ATG7: variants seen among roughly 807,000 people sequenced by gnomAD.
ATG7 encodes autophagy related 7.
ATG7 carries 70 observed loss-of-function variants against 82.4 expected under a neutral mutation model. That is an observed-to-expected ratio of 0.85 (90% CI 0.70 to 1.04). ATG7 has a LOEUF of 1.04. Ranked by LOEUF, ATG7 falls within the 50% of genes least tolerant of loss-of-function variation. ATG7 has a pLI of 0.00. For missense variants in ATG7, 792 were observed against 864.3 expected (o/e 0.92, Z 1.05); for synonymous variants, 287 against 313.0 (o/e 0.92, Z 0.88).
At chr3:11,489,395 G>A (rs986816682) in intron 20 of ATG7, among the ~76,000 whole-genome samples, 7 of 151,602 alleles carry the variant, frequency 4.6e-5, no homozygotes, top group African/African-American at 1.5e-4. Context: ...TCTTGCTAGT[G>A]GTCTATCAAT....
chr3:11,566,187 C>T, the ATG7 span, among the ~76,000 whole-genome samples: 2 of 152,156 alleles, frequency 1.3e-5, no homozygotes. Context: ...TACGCATGCA[C>T]ACAGAATGTT....
At chr3:11,380,267 G>C (rs1259306339) in intron 19 of ATG7, among the ~76,000 whole-genome samples, 3 of 152,192 alleles carry the variant, frequency 2.0e-5, no homozygotes, top group South Asian at 4.1e-4. Context: ...GGGAGACTGA[G>C]TTAAAATATT....
intron 20 of ATG7, among the ~76,000 whole-genome samples, chr3:11,520,685 A>G (rs2092418204): frequency 1.3e-5 from 2 of 152,230 alleles, no homozygotes; most frequent in African/African-American, 4.8e-5. Flanking sequence ...CACAGCAGCC[A>G]TTATGGCCAC....
chr3:11,378,258 C>G (rs1389441016), intron 18 of ATG7, among the ~76,000 whole-genome samples: 1 of 149,984 alleles, frequency 6.7e-6, no homozygotes, highest in African/African-American at 2.5e-5. Flanking sequence ...CTCAGGTGAT[C>G]TGCCCGCCTC....
intron 20 of ATG7, among the ~76,000 whole-genome samples, chr3:11,545,200 A>C (rs2071173164): frequency 6.6e-6 from 1 of 152,106 alleles, no homozygotes; most frequent in South Asian, 2.1e-4. Context: ...CTGGGGGCCT[A>C]GGGCCCTGAA....
At chr3:11,467,491 C>G (rs6781726) in intron 20 of ATG7, among the ~76,000 whole-genome samples, 1 of 151,916 alleles carries the variant, frequency 6.6e-6, no homozygotes, top group African/African-American at 2.4e-5. Flanking sequence ...ATTCTTCTGC[C>G]TCAGCCTCCC....
intron 20 of ATG7, among the ~76,000 whole-genome samples, chr3:11,532,376 T>C (rs1039377016): frequency 6.6e-6 from 1 of 151,976 alleles, no homozygotes; most frequent in Non-Finnish European, 1.5e-5. Flanking sequence ...GAGCTGAGTC[T>C]GGAAAGAGGA....
chr3:11,540,560 G>T (rs1484101136), intron 20 of ATG7, among the ~76,000 whole-genome samples: 1 of 151,942 alleles, frequency 6.6e-6, no homozygotes, highest in African/African-American at 2.4e-5. Context: ...AGGATCCCTT[G>T]AGACCAAGAG....
chr3:11,531,250 G>A (rs1165766510), intron 20 of ATG7, among the ~76,000 whole-genome samples: 1 of 152,230 alleles, frequency 6.6e-6, no homozygotes, highest in African/African-American at 2.4e-5. Context: ...AGCCAAGGCA[G>A]AGTCCAGAGG....
downstream of ATG7, among the ~76,000 whole-genome samples, chr3:11,560,281 C>G (rs2072866104): frequency 6.6e-6 from 1 of 152,222 alleles, no homozygotes; most frequent in Non-Finnish European, 1.5e-5. Flanking sequence ...GGTGTGGAAC[C>G]TGGGACAGAA....
the ATG7 span, among the ~76,000 whole-genome samples, chr3:11,566,934 G>A: frequency 1.6e-4 from 24 of 152,186 alleles, no homozygotes; most frequent in African/African-American, 5.6e-4. Context: ...AAGAAAGGCA[G>A]GTATCGTGGA....
chr3:11,449,697 G>A (rs1018147430), intron 20 of ATG7, among the ~76,000 whole-genome samples: 2 of 152,118 alleles, frequency 1.3e-5, no homozygotes, highest in African/African-American at 2.4e-5. Context: ...TTCTAATCCC[G>A]TTGTCCCAGT....
chr3:11,340,627 T>C lies in ATG7; in HGVS notation c.890-18T>C. On this transcript the variant is annotated intron_variant, in intron 11 of 20. Transcript: ENST00000693202. ...TTCTTCCCTCCTTCATTAAACTTTG[T>C]GTTTTATTTGCCTTAAGATTGTCCT... The C allele has an allele frequency of 7.5e-6, 12 of 1,603,182 alleles. No homozygotes were observed. The highest frequency in any genetic ancestry group is 9.4e-6 in the Non-Finnish European group (11 of 1,170,972).
chr3:11,425,523 TTC>T (rs962794758), intron 19 of ATG7, among the ~76,000 whole-genome samples: 6 of 152,254 alleles, frequency 3.9e-5, no homozygotes, highest in Admixed American at 3.9e-4. Flanking sequence ...CCCAGAGAAT[TTC>T]TGAGGCATTC....
rs1024172400 is a variant in ATG7, at chr3:11,358,682, C to T, written c.1479+70C>T. The T allele has an allele frequency of 8.7e-6, 13 of 1,487,180 alleles. No individual in the cohort carries two copies. In the South Asian group the frequency reaches 1.3e-4, roughly 15 times the overall value. The allele number at this position is 1,487,180 out of a possible 1,614,324, so 92.1% of individuals were successfully genotyped here. A position where few individuals can be genotyped will look rare whatever the true frequency, so the allele number is the denominator to read the frequency against. ...ACTCCAGAGGGAGGAGTGTCCCTAA[C>T]CTTCCCTTCCCCAGGGCAGAGATGT... is the stretch of plus-strand genomic sequence containing the variant. On this transcript the variant is annotated intron_variant, in intron 15 of 20. Transcript: ENST00000693202.
At position 11,556,689 on chromosome 3, in the gene ATG7, A is replaced by G. The variant is rs2072450766; in HGVS notation, c.*1846A>G. 1 of 152,798 alleles carries G rather than the reference A, an allele frequency of 6.5e-6. No homozygotes were observed. The highest frequency in any genetic ancestry group is 1.5e-5 in the Non-Finnish European group (1 of 68,054). 9.5% of individuals were successfully genotyped at this position (152,798 alleles called of 1,614,324 possible). ...AAAAATTAAATAGCTACATATCATT[A>G]ACAAATTAATGTTCTTCAAAAAATA... On this transcript the variant is annotated 3_prime_UTR_variant, in exon 21 of 21. Transcript: ENST00000693202.
intron 11 of ATG7, among the ~76,000 whole-genome samples, chr3:11,336,363 C>T (rs1469294069): frequency 6.6e-6 from 1 of 152,198 alleles, no homozygotes. Flanking sequence ...GGAACCACAC[C>T]GTACATTTCC....
At chr3:11,315,802 C>G (rs1036268166) in intron 9 of ATG7, among the ~76,000 whole-genome samples, 2 of 152,214 alleles carry the variant, frequency 1.3e-5, no homozygotes, top group Non-Finnish European at 2.9e-5. Flanking sequence ...TCTTGGCTTA[C>G]TGCAACCTCT....
intron 20 of ATG7, among the ~76,000 whole-genome samples, chr3:11,543,346 A>G (rs1369646596): frequency 6.6e-6 from 1 of 152,036 alleles, no homozygotes; most frequent in Non-Finnish European, 1.5e-5. Flanking sequence ...AGGCTGGGAG[A>G]ACTCCTCCCT....
Sources: allele counts gnomAD v4.1 joint callset (sites outside exome capture counted in the v4.1 genomes callset), GRCh38; gene constraint gnomAD v4.1.1; transcripts MANE v1.5; gene names NCBI Gene and HGNC (gene_info 2026-07-23, HGNC 2026-07-21).